The following GRM1 variants were observed in gnomAD, a reference collection of about 807,000 sequenced individuals.
GRM1 encodes glutamate metabotropic receptor 1.
GRM1 carries 33 observed loss-of-function variants against 90.9 expected under a neutral mutation model. That is an observed-to-expected ratio of 0.36 (90% CI 0.28 to 0.49). The LOEUF (loss-of-function observed/expected upper bound fraction) is 0.49, where lower values mean the gene tolerates loss of function less well. GRM1 is among the 20% of genes least tolerant of loss of function. The pLI is 0.99. For synonymous variants in GRM1, 700 were observed against 613.2 expected (o/e 1.14, Z -2.09); for missense variants, 1,190 against 1,534.3 (o/e 0.78, Z 3.75).
At chr6:146,122,247 C>G (rs1776018924) in intron 1 of GRM1, among the ~76,000 whole-genome samples, 2 of 152,034 alleles carry the variant, frequency 1.3e-5, no homozygotes, top group Admixed American at 1.3e-4. Context: ...GGAGATTATA[C>G]AATAATTATG....
At position 146,435,892 on chromosome 6, in the gene GRM1, G is replaced by A. The variant is rs774443714; in HGVS notation, c.*1096G>A. 1 of 152,576 alleles carries A rather than the reference G, an allele frequency of 6.6e-6. No individual in the cohort carries two copies. Among genetic ancestry groups the A allele is most frequent in the African/African-American group, 2.4e-5 (1 of 41,422 alleles). 9.5% of individuals were successfully genotyped at this position (152,576 alleles called of 1,614,324 possible). A position where few individuals can be genotyped will look rare whatever the true frequency, so the allele number is the denominator to read the frequency against. On this transcript the variant is annotated 3_prime_UTR_variant, in exon 8 of 8. Coordinates refer to ENST00000282753, the MANE Select transcript of GRM1 (RefSeq NM_001278064.2). Reference sequence around the variant, plus strand: ...AATTTGGTGCCATTATTTCTCCTACGTATTAGAGAAACAAATCCATCTTTG... The same window carrying A: ...AATTTGGTGCCATTATTTCTCCTACATATTAGAGAAACAAATCCATCTTTG...
At chr6:146,352,594 C>A in intron 4 of GRM1, 98 bp downstream of exon 4, 1 of 1,243,436 alleles carries the variant, frequency 8.0e-7, no homozygotes, top group Non-Finnish European at 1.2e-6. Context: ...TTTCTGGGTG[C>A]CATGAGGATA....
chr6:146,267,344 A>G (rs944589240), intron 2 of GRM1, among the ~76,000 whole-genome samples: 2 of 152,148 alleles, frequency 1.3e-5, no homozygotes, highest in African/African-American at 2.4e-5. Context: ...GCTGGAATGA[A>G]CATATGTGTC....
At chr6:146,342,486 T>C (rs1342896697) in intron 3 of GRM1, among the ~76,000 whole-genome samples, 1 of 152,224 alleles carries the variant, frequency 6.6e-6, no homozygotes, top group Non-Finnish European at 1.5e-5. Flanking sequence ...AGAAGTATCT[T>C]GTACTTAAGA....
intron 3 of GRM1, among the ~76,000 whole-genome samples, chr6:146,335,303 C>G (rs145308844): frequency 6.6e-6 from 1 of 152,114 alleles, no homozygotes; most frequent in South Asian, 2.1e-4. Context: ...AAGTACCTAA[C>G]GCATTGTTTC....
intron 1 of GRM1, among the ~76,000 whole-genome samples, chr6:146,052,394 G>C (rs373491649): frequency 2.0e-5 from 3 of 151,956 alleles, no homozygotes; most frequent in Non-Finnish European, 4.4e-5. Context: ...ACCTATAGAT[G>C]CCCAGCCCCA....
intron 7 of GRM1, among the ~76,000 whole-genome samples, chr6:146,415,102 A>AT: frequency 6.6e-6 from 1 of 152,124 alleles, no homozygotes; most frequent in Non-Finnish European, 1.5e-5. Context: ...ATAGAAGTTT[A>AT]TTTTTTACAG....
At chr6:146,168,186 TTCTTA>T (rs1043161234) in intron 2 of GRM1, among the ~76,000 whole-genome samples, 23 of 152,136 alleles carry the variant, frequency 1.5e-4, no homozygotes, top group South Asian at 8.3e-4. Flanking sequence ...TGTGTGTGTA[TTCTTA>T]TCTTAGATTA....
At chr6:146,062,483 A>G (rs912897773) in intron 1 of GRM1, among the ~76,000 whole-genome samples, 1 of 132,010 alleles carries the variant, frequency 7.6e-6, no homozygotes, top group Non-Finnish European at 1.6e-5. Flanking sequence ...CTCAGAACTT[A>G]AAGTATAACA....
chr6:146,065,550 C>T (rs972184531), intron 1 of GRM1, among the ~76,000 whole-genome samples: 4 of 152,154 alleles, frequency 2.6e-5, no homozygotes, highest in Non-Finnish European at 5.9e-5. Context: ...ACAGAGTTTG[C>T]CACCATGATT....
At chr6:146,316,766 G>C (rs1364077777) in intron 3 of GRM1, among the ~76,000 whole-genome samples, 1 of 151,868 alleles carries the variant, frequency 6.6e-6, no homozygotes, top group Non-Finnish European at 1.5e-5. Context: ...GAGGGCCGGG[G>C]GACTGTCTTT....
chr6:146,332,677 C>T (rs1192191673), intron 3 of GRM1, among the ~76,000 whole-genome samples: 1 of 152,182 alleles, frequency 6.6e-6, no homozygotes, highest in East Asian at 1.9e-4. Flanking sequence ...AGTACCTTTG[C>T]CATGAAGTGT....
At chr6:146,427,409 A>G (rs1183995664) in intron 7 of GRM1, among the ~76,000 whole-genome samples, 3 of 152,042 alleles carry the variant, frequency 2.0e-5, no homozygotes, top group Admixed American at 6.6e-5. Context: ...CAGCCCTTCA[A>G]ACTCCTTGGA....
chr6:146,373,782 C>T (rs917174724), intron 5 of GRM1, among the ~76,000 whole-genome samples: 3 of 152,068 alleles, frequency 2.0e-5, no homozygotes, highest in African/African-American at 7.2e-5. Flanking sequence ...TAGGTTTTCC[C>T]AAATATAAGA....
intron 2 of GRM1, among the ~76,000 whole-genome samples, chr6:146,289,072 C>T (rs193053045): frequency 6.6e-5 from 10 of 152,110 alleles, no homozygotes; most frequent in Non-Finnish European, 1.5e-5. Context: ...ATTTACTATG[C>T]TATATGAATG....
chr6:146,381,043 A>G (rs550133620), intron 5 of GRM1, among the ~76,000 whole-genome samples: 25 of 152,120 alleles, frequency 1.6e-4, no homozygotes, highest in Non-Finnish European at 3.5e-4. Flanking sequence ...CTCAAGTGGA[A>G]AGAAGAGGTC....
chr6:146,242,092 G>A (rs1242975639), intron 2 of GRM1, among the ~76,000 whole-genome samples: 2 of 152,092 alleles, frequency 1.3e-5, no homozygotes, highest in Non-Finnish European at 2.9e-5. Context: ...TCAGAGTCAG[G>A]AATGGGCAAG....
intron 2 of GRM1, among the ~76,000 whole-genome samples, chr6:146,234,493 G>A (rs1583201080): frequency 6.6e-6 from 1 of 151,018 alleles, no homozygotes; most frequent in Non-Finnish European, 1.5e-5. Context: ...TTTTTTTTTA[G>A]TGGTTGCCAT....
chr6:146,434,804 G>T lies in GRM1; in HGVS notation c.*8G>T, dbSNP rs761235833. ...AGCTCTTCCACCCTGTAAGGGGGAA[G>T]GGTCCACATAGAAAAGCAAGACAAG... is the stretch of plus-strand genomic sequence containing the variant. On this transcript the variant is annotated 3_prime_UTR_variant, in exon 8 of 8. Coordinates refer to ENST00000282753, the MANE Select transcript of GRM1 (RefSeq NM_001278064.2). 5 of 1,594,292 alleles carry T rather than the reference G, an allele frequency of 3.1e-6. No homozygotes were observed. In the East Asian group the frequency reaches 6.7e-5, roughly 21 times the overall value.
Sources: allele counts gnomAD v4.1 joint callset (sites outside exome capture counted in the v4.1 genomes callset), GRCh38; gene constraint gnomAD v4.1.1; transcripts MANE v1.5; gene names NCBI Gene and HGNC (gene_info 2026-07-23, HGNC 2026-07-21).